The following TMEM132C variants were observed in gnomAD, a reference collection of about 807,000 sequenced individuals.
TMEM132C encodes the protein transmembrane protein 132C.
Under a neutral mutation model 61.4 loss-of-function variants are expected in TMEM132C, and 29 were observed. The ratio of observed to expected loss-of-function variants is 0.47; its 90% CI spans 0.35 to 0.64. TMEM132C has a LOEUF of 0.64. TMEM132C is among the 30% of genes least tolerant of loss of function. The pLI is 0.00. For synonymous variants in TMEM132C, 656 were observed against 633.1 expected, an observed-to-expected ratio of 1.04 and a Z score of -0.54; for missense variants, 1,408 against 1,476.9, an observed-to-expected ratio of 0.95 and a Z score of 0.76.
At chr12:128,315,517 C>T (rs1872125295) in intron 1 of TMEM132C, among the ~76,000 whole-genome samples, 1 of 151,972 alleles carries the variant, frequency 6.6e-6, no homozygotes, top group Admixed American at 6.6e-5. Context: ...CTCACCAAAT[C>T]CACCCAACTT....
Position 128,287,911 on chromosome 12 carries a change from G to A in TMEM132C, c.85+20424G>A, listed in dbSNP as rs543846906. On this transcript the variant is annotated intron_variant, in intron 1 of 8. Coordinates refer to ENST00000435159, the MANE Select transcript of TMEM132C (RefSeq NM_001136103.3). Reference sequence around the variant, plus strand: ...AGAAGAATGTCCCTCAATTTGATCCGTGTTGATTTGGAGGTAATAGCTGCA... The same window carrying A: ...AGAAGAATGTCCCTCAATTTGATCCATGTTGATTTGGAGGTAATAGCTGCA... Among the ~76,000 whole-genome samples, 48 of 152,222 alleles carry A rather than the reference G, an allele frequency of 3.2e-4. 1 individual carries two copies. Among genetic ancestry groups the A allele is most frequent in the African/African-American group, 1.1e-3 (45 of 41,536 alleles).
intron 2 of TMEM132C, among the ~76,000 whole-genome samples, chr12:128,508,529 C>T (rs566819691): frequency 6.6e-6 from 1 of 152,296 alleles, no homozygotes; most frequent in African/African-American, 2.4e-5. Context: ...GTGGGGTTTG[C>T]CTCCTGTCCC....
intron 1 of TMEM132C, among the ~76,000 whole-genome samples, chr12:128,297,737 A>G (rs997094303): frequency 3.9e-5 from 6 of 151,994 alleles, no homozygotes; most frequent in Non-Finnish European, 8.8e-5. Context: ...TTTCCTTCTG[A>G]CACCCACATG....
intron 1 of TMEM132C, among the ~76,000 whole-genome samples, chr12:128,392,645 G>A (rs1020492976): frequency 7.2e-5 from 11 of 152,140 alleles, no homozygotes; most frequent in Non-Finnish European, 1.5e-4. Context: ...CAGGCAAACA[G>A]GTGATATTCA....
At chr12:128,500,784 T>C (rs1872145955) in intron 2 of TMEM132C, among the ~76,000 whole-genome samples, 1 of 152,178 alleles carries the variant, frequency 6.6e-6, no homozygotes, top group African/African-American at 2.4e-5. Context: ...TCTCAGAAAG[T>C]TAAACATAGA....
intron 2 of TMEM132C, among the ~76,000 whole-genome samples, chr12:128,434,758 A>G (rs34355096): frequency 0.093 from 14,180 of 151,990 alleles, 865 homozygotes; most frequent in Middle Eastern, 0.14. Flanking sequence ...ACATGCCACT[A>G]TGCCCGGCTA....
At chr12:128,672,727 T>C (rs1954544946) in intron 5 of TMEM132C, among the ~76,000 whole-genome samples, 1 of 152,158 alleles carries the variant, frequency 6.6e-6, no homozygotes, top group Admixed American at 6.5e-5. Flanking sequence ...ATCAATGATA[T>C]TTTCAGTGCT....
intron 2 of TMEM132C, among the ~76,000 whole-genome samples, chr12:128,448,974 A>G (rs1870086531): frequency 6.6e-6 from 1 of 151,704 alleles, no homozygotes; most frequent in Non-Finnish European, 1.5e-5. Context: ...TGTCTCTACT[A>G]AAAATACAAA....
At chr12:128,372,620 G>A (rs189136175) in intron 1 of TMEM132C, among the ~76,000 whole-genome samples, 126 of 152,184 alleles carry the variant, frequency 8.3e-4, no homozygotes, top group Non-Finnish European at 1.5e-3. Flanking sequence ...CCAAAAAGAA[G>A]ACTTATCAAG....
At chr12:128,583,915 C>T (rs1875442836) in intron 3 of TMEM132C, among the ~76,000 whole-genome samples, 1 of 152,220 alleles carries the variant, frequency 6.6e-6, no homozygotes. Context: ...TGCTGAATGG[C>T]TCTGTGGGGC....
intron 8 of TMEM132C, among the ~76,000 whole-genome samples, chr12:128,702,484 A>G (rs766565844): frequency 1.3e-5 from 2 of 152,078 alleles, no homozygotes; most frequent in Non-Finnish European, 2.9e-5. Context: ...ATGATCTCAC[A>G]TATCAGTCTG....
intron 2 of TMEM132C, among the ~76,000 whole-genome samples, chr12:128,446,895 A>C (rs1295610137): frequency 6.6e-6 from 1 of 152,228 alleles, no homozygotes; most frequent in African/African-American, 2.4e-5. Context: ...TGCATAAATG[A>C]ATACAGAGCC....
chr12:128,496,985 G>A (rs1871984480), intron 2 of TMEM132C, among the ~76,000 whole-genome samples: 1 of 152,160 alleles, frequency 6.6e-6, no homozygotes, highest in Non-Finnish European at 1.5e-5. Context: ...GGTCTCTGAT[G>A]ATGGTGACAT....
At chr12:128,302,362 G>A (rs1871625415) in intron 1 of TMEM132C, among the ~76,000 whole-genome samples, 1 of 152,210 alleles carries the variant, frequency 6.6e-6, no homozygotes, top group Admixed American at 6.5e-5. Context: ...ATAGGCAGCA[G>A]TAGCAAAACA....
rs113679812 is a variant in TMEM132C, at chr12:128,480,445, A to C, written c.975-63512A>C. ...AAGTCTGAGATAGTTCCAGATCTAC[A>C]TCAGAGGTCTCCGCCAGCTACTGGA... On this transcript the variant is annotated intron_variant, in intron 2 of 8. Transcript: ENST00000435159. Among the ~76,000 whole-genome samples the C allele has an allele frequency of 9.8e-3, 1,493 of 152,360 alleles. 27 individuals are homozygous for C. The highest frequency in any genetic ancestry group is 0.034 in the African/African-American group (1,398 of 41,584).
intron 2 of TMEM132C, among the ~76,000 whole-genome samples, chr12:128,484,818 C>T (rs1462954620): frequency 4.6e-5 from 7 of 152,044 alleles, no homozygotes; most frequent in Non-Finnish European, 1.0e-4. Context: ...ACTAGCTAAA[C>T]ATGGTAGTGC....
At chr12:128,427,425 T>G (rs1869230043) in intron 2 of TMEM132C, among the ~76,000 whole-genome samples, 1 of 145,428 alleles carries the variant, frequency 6.9e-6, no homozygotes, top group African/African-American at 2.6e-5. Flanking sequence ...TGTGTGTGTG[T>G]GTGTATATAT....
intron 1 of TMEM132C, among the ~76,000 whole-genome samples, chr12:128,293,465 C>T (rs897765072): frequency 6.7e-6 from 1 of 148,438 alleles, no homozygotes; most frequent in Admixed American, 6.7e-5. Context: ...TCTAGAGCTA[C>T]CTCCTTACAG....
chr12:128,696,466 C>T (rs1382512870), intron 7 of TMEM132C, among the ~76,000 whole-genome samples: 3 of 152,190 alleles, frequency 2.0e-5, no homozygotes, highest in African/African-American at 7.2e-5. Context: ...CCACTTCTAC[C>T]AGTGGCCCAG....
Sources: gnomAD v4.1 joint callset for allele counts (sites outside exome capture counted in the v4.1 genomes callset) on GRCh38, gnomAD v4.1.1 for gene constraint, MANE v1.5 for transcripts, NCBI Gene and HGNC (gene_info 2026-07-23, HGNC 2026-07-21) for gene names.